ANKRD6: variants seen among roughly 807,000 people sequenced by gnomAD.
ANKRD6 encodes the protein ankyrin repeat domain 6.
A neutral mutation model predicts 82.3 loss-of-function variants in ANKRD6; 56 were observed. The ratio of observed to expected loss-of-function variants is 0.68; its 90% CI spans 0.55 to 0.85. The LOEUF is 0.85. ANKRD6 is among the 40% of genes least tolerant of loss of function. The pLI, the probability that ANKRD6 is intolerant of heterozygous loss-of-function variation, is 0.00. For synonymous variants in ANKRD6, 347 were observed against 352.1 expected, an observed-to-expected ratio of 0.99 and a Z score of 0.16; for missense variants, 852 against 907.6, an observed-to-expected ratio of 0.94 and a Z score of 0.79.
chr6:89,496,549 G>GTC (rs1230369486), intron 1 of ANKRD6, among the ~76,000 whole-genome samples: 58 of 152,154 alleles, frequency 3.8e-4, no homozygotes, highest in African/African-American at 1.4e-3. Context: ...TTGAGATGGA[G>GTC]TCTCTCTCTC....
chr6:89,456,974 C>G (rs1773578931), intron 1 of ANKRD6, among the ~76,000 whole-genome samples: 1 of 152,148 alleles, frequency 6.6e-6, no homozygotes, highest in African/African-American at 2.4e-5. Context: ...GACCTTAGTC[C>G]ATAAAGGCAA....
In ANKRD6 at chr6:89,598,291, A is replaced by G. The variant is rs931334306; in HGVS notation, c.219+2277A>G. On this transcript the variant is annotated intron_variant, in intron 3 of 15. Coordinates refer to ENST00000339746, the MANE Select transcript of ANKRD6 (RefSeq NM_001242809.2). ...CGCTAATGCCATCTCTGATTGGTCA[A>G]TGAGCAATCACATAGCTCCCGCCTC... 7.1e-6 allele frequency: 7 copies of G among 985,162 alleles called. No individual in the cohort carries two copies. The African/African-American group carries it at 1.2e-4, about 17-fold the overall frequency. The allele number at this position is 985,162 out of a possible 1,614,324, so 61.0% of individuals were successfully genotyped here.
chr6:89,504,230 G>A (rs891169488), intron 1 of ANKRD6, among the ~76,000 whole-genome samples: 4 of 152,006 alleles, frequency 2.6e-5, no homozygotes, highest in Admixed American at 6.6e-5. Context: ...CATCAAGATG[G>A]GAGTGGTAAA....
At chr6:89,489,749 G>A (rs1392449064) in intron 1 of ANKRD6, among the ~76,000 whole-genome samples, 1 of 152,234 alleles carries the variant, frequency 6.6e-6, no homozygotes, top group African/African-American at 2.4e-5. Flanking sequence ...AGGAGGAAAT[G>A]GAGTGGAGGA....
chr6:89,576,007 A>G (rs1791031389), intron 2 of ANKRD6, among the ~76,000 whole-genome samples: 1 of 152,186 alleles, frequency 6.6e-6, no homozygotes, highest in Non-Finnish European at 1.5e-5. Context: ...TCATGTTTTA[A>G]GAGAAAGGCT....
chr6:89,572,981 C>T (rs184751053), intron 2 of ANKRD6, among the ~76,000 whole-genome samples: 2 of 152,204 alleles, frequency 1.3e-5, no homozygotes, highest in African/African-American at 4.8e-5. Context: ...TTTGTTTTGA[C>T]ACAGAGTCTT....
At chr6:89,467,326 T>G (rs1019795574) in intron 1 of ANKRD6, among the ~76,000 whole-genome samples, 1 of 152,200 alleles carries the variant, frequency 6.6e-6, no homozygotes, top group Non-Finnish European at 1.5e-5. Flanking sequence ...ATAGATATGC[T>G]GGGACATTTT....
rs559274948 is a variant in ANKRD6, at chr6:89,631,588, A to G, written c.*584A>G. 4 of 152,366 alleles carry G rather than the reference A, an allele frequency of 2.6e-5. No individual in the cohort carries two copies. The highest frequency in any genetic ancestry group is 9.6e-5 in the African/African-American group (4 of 41,594). 9.4% of individuals were successfully genotyped at this position (152,366 alleles called of 1,614,324 possible). On this transcript the variant is annotated 3_prime_UTR_variant, in exon 16 of 16. Coordinates refer to ENST00000339746, the MANE Select transcript of ANKRD6 (RefSeq NM_001242809.2). ...TATTTTCATGATGTCACAAGATCCA[A>G]TATATCTTATGATAAAATTTATTGA...
intron 1 of ANKRD6, among the ~76,000 whole-genome samples, chr6:89,546,566 C>T (rs574822903): frequency 3.0e-4 from 45 of 151,910 alleles, no homozygotes; most frequent in Non-Finnish European, 5.9e-4. Context: ...AAGGTTCAAG[C>T]GATTCTTGTG....
intron 2 of ANKRD6, among the ~76,000 whole-genome samples, chr6:89,581,915 A>G (rs1258141814): frequency 6.6e-6 from 1 of 152,162 alleles, no homozygotes; most frequent in African/African-American, 2.4e-5. Flanking sequence ...TTTTCACTGA[A>G]ACAAACAGGG....
intron 1 of ANKRD6, among the ~76,000 whole-genome samples, chr6:89,485,018 G>C (rs548435858): frequency 6.6e-6 from 1 of 152,174 alleles, no homozygotes; most frequent in African/African-American, 2.4e-5. Flanking sequence ...GAACATGTCA[G>C]GTTGCCACAC....
rs907003082 is a variant in ANKRD6, at chr6:89,555,710, G to T, written c.-143-11124G>T. On this transcript the variant is annotated intron_variant, in intron 1 of 15. Coordinates refer to ENST00000339746, the MANE Select transcript of ANKRD6 (RefSeq NM_001242809.2). The stretch of plus-strand genomic sequence containing the variant: ...ACCTTTTGGCCAAGCTAGGGTGCAG[G>T]ATGCAGCGGGGGAGAGGTATCAGAA... 9.2e-5 allele frequency among the ~76,000 whole-genome samples: 14 copies of T among 152,300 alleles called. No homozygotes were observed. The East Asian group carries it at 2.7e-3, about 29-fold the overall frequency.
chr6:89,466,050 C>G (rs754822258), intron 1 of ANKRD6, among the ~76,000 whole-genome samples: 2 of 151,958 alleles, frequency 1.3e-5, no homozygotes, highest in Non-Finnish European at 2.9e-5. Context: ...CATAGGTAAC[C>G]ACTATTTCTT....
chr6:89,494,914 G>C (rs1778416039), intron 1 of ANKRD6, among the ~76,000 whole-genome samples: 1 of 152,182 alleles, frequency 6.6e-6, no homozygotes, highest in Non-Finnish European at 1.5e-5. Flanking sequence ...CTGGTTTGGG[G>C]CCTGGTCTTG....
At chr6:89,462,657 A>T (rs1393464124) in intron 1 of ANKRD6, among the ~76,000 whole-genome samples, 2 of 152,158 alleles carry the variant, frequency 1.3e-5, no homozygotes, top group South Asian at 2.1e-4. Flanking sequence ...TTTCATATTT[A>T]ATATATTGCA....
At position 89,603,144 on chromosome 6, in the gene ANKRD6, C is replaced by A; in HGVS notation, c.318+17C>A. On this transcript the variant is annotated intron_variant, in intron 4 of 15. Transcript: ENST00000339746. ...CAAGACAAGGTGAGTGGACACTGAG[C>A]TTCCTTACTCCCCAAGGCAAGGGAA... is the stretch of plus-strand genomic sequence containing the variant. 6.3e-7 allele frequency: 1 copy of A among 1,583,894 alleles called. No homozygotes were observed.
chr6:89,531,532 A>G (rs1409243110), intron 1 of ANKRD6, among the ~76,000 whole-genome samples: 1 of 152,246 alleles, frequency 6.6e-6, no homozygotes, highest in East Asian at 1.9e-4. Flanking sequence ...TTGCAGCAAC[A>G]TCTCACAGCA....
At chr6:89,493,565 A>G (rs1388534292) in intron 1 of ANKRD6, among the ~76,000 whole-genome samples, 2 of 152,044 alleles carry the variant, frequency 1.3e-5, no homozygotes, top group Non-Finnish European at 2.9e-5. Flanking sequence ...ATGCACTATC[A>G]TGCCCAGCTA....
At position 89,587,474 on chromosome 6, in the gene ANKRD6, C is replaced by T. The variant is rs145494813; in HGVS notation, c.121-8442C>T. Among the ~76,000 whole-genome samples, 774 of 152,114 alleles carry T rather than the reference C, an allele frequency of 5.1e-3. 8 individuals are homozygous for T. The highest frequency in any genetic ancestry group is 0.017 in the Middle Eastern group (5 of 292). On this transcript the variant is annotated intron_variant, in intron 2 of 15. Coordinates refer to ENST00000339746, the MANE Select transcript of ANKRD6 (RefSeq NM_001242809.2). ...ACTGCCCTCCAGTCTGGCGACAGAGCGAGACTTCATCTCAAAAAACAAACA... is the reference window on the plus strand; with the variant it reads ...ACTGCCCTCCAGTCTGGCGACAGAGTGAGACTTCATCTCAAAAAACAAACA...
Sources: gnomAD v4.1 joint callset for allele counts (sites outside exome capture counted in the v4.1 genomes callset) on GRCh38, gnomAD v4.1.1 for gene constraint, MANE v1.5 for transcripts, NCBI Gene and HGNC (gene_info 2026-07-23, HGNC 2026-07-21) for gene names.